Variants in LMNTD1 observed in about 807,000 individuals in gnomAD.
The protein encoded by LMNTD1 is lamin tail domain containing 1.
In LMNTD1, 35 loss-of-function variants were observed where a neutral mutation model predicts 50.9. That is an observed-to-expected ratio of 0.69 (90% CI 0.53 to 0.91). The LOEUF is 0.91. Ranked by LOEUF, LMNTD1 falls within the 40% of genes least tolerant of loss-of-function variation. The pLI, the probability that LMNTD1 is intolerant of heterozygous loss-of-function variation, is 0.00. For missense variants in LMNTD1, 470 were observed against 475.5 expected, an observed-to-expected ratio of 0.99 and a Z score of 0.11; for synonymous variants, 153 against 161.9, an observed-to-expected ratio of 0.94 and a Z score of 0.42.
chr12:25,560,627 C>T (rs1005515571), intron 1 of LMNTD1, among the ~76,000 whole-genome samples: 4 of 152,120 alleles, frequency 2.6e-5, no homozygotes, highest in African/African-American at 9.7e-5. Flanking sequence ...CTATAAATTA[C>T]CTTGGGGGAT....
chr12:25,519,586 T>TAAAAAAAAGAAAAAAAA (rs781742784), intron 7 of LMNTD1, among the ~76,000 whole-genome samples: 1 of 74,956 alleles, frequency 1.3e-5, no homozygotes, highest in Non-Finnish European at 2.3e-5. Context: ...AGACTCTGTC[T>TAAAAAAAAGAAAAAAAA]CAAAAAAAAA....
upstream of LMNTD1, among the ~76,000 whole-genome samples, chr12:25,555,669 G>A (rs941505423): frequency 1.3e-5 from 2 of 152,142 alleles, no homozygotes; most frequent in African/African-American, 2.4e-5. Flanking sequence ...GACGTCCTCT[G>A]TTTCTAATGA....
At chr12:25,589,345 G>C (rs1258646464) in intron 1 of LMNTD1, among the ~76,000 whole-genome samples, 1 of 152,054 alleles carries the variant, frequency 6.6e-6, no homozygotes, top group Non-Finnish European at 1.5e-5. Context: ...CAAAATTATA[G>C]GCACACACAT....
At chr12:25,537,033 G>A (rs1705421) in intron 4 of LMNTD1, among the ~76,000 whole-genome samples, 95,671 of 149,320 alleles carry the variant, frequency 0.64, 30,931 homozygotes, top group Non-Finnish European at 0.71. Context: ...CTTAAAAAAC[G>A]GCGAACCACG....
chr12:25,595,860 GA>G (rs1945833641), intron 1 of LMNTD1, among the ~76,000 whole-genome samples: 1 of 151,994 alleles, frequency 6.6e-6, no homozygotes, highest in Non-Finnish European at 1.5e-5. Flanking sequence ...ACCAAGAAAA[GA>G]AGAGAGAAAA....
intron 1 of LMNTD1, among the ~76,000 whole-genome samples, chr12:25,570,757 A>G (rs923042868): frequency 6.6e-6 from 1 of 152,208 alleles, no homozygotes; most frequent in African/African-American, 2.4e-5. Context: ...GAATTATAGG[A>G]TACTAAAAGA....
intron 1 of LMNTD1, among the ~76,000 whole-genome samples, chr12:25,624,449 T>C (rs1250570000): frequency 6.6e-6 from 1 of 152,210 alleles, no homozygotes; most frequent in Non-Finnish European, 1.5e-5. Flanking sequence ...ATTAAACCAA[T>C]GACCTTGGCT....
At chr12:25,566,092 T>C (rs902848825) in intron 1 of LMNTD1, among the ~76,000 whole-genome samples, 2 of 152,170 alleles carry the variant, frequency 1.3e-5, no homozygotes, top group African/African-American at 2.4e-5. Context: ...TTAAATCTGC[T>C]TGGTGTTCTA....
chr12:25,628,107 C>A (rs1946634034), intron 1 of LMNTD1, among the ~76,000 whole-genome samples: 4 of 52,466 alleles, frequency 7.6e-5, no homozygotes, highest in African/African-American at 3.4e-4. Context: ...AACTCCGTCT[C>A]AAAAAAAAAA....
chr12:25,485,247 G>A (rs1938584228), intron 9 of LMNTD1, among the ~76,000 whole-genome samples: 1 of 147,140 alleles, frequency 6.8e-6, no homozygotes, highest in South Asian at 2.3e-4. Context: ...GCATTTCTCT[G>A]ATGGCCAGTG....
chr12:25,523,816 TAA>T (rs745735879), intron 6 of LMNTD1, among the ~76,000 whole-genome samples: 2,128 of 80,464 alleles, frequency 0.026, 48 homozygotes, highest in African/African-American at 0.081. Flanking sequence ...GTGACTCAGG[TAA>T]AAAAAAAAAA....
At chr12:25,645,420 T>G (rs1325525352) in intron 1 of LMNTD1, among the ~76,000 whole-genome samples, 3 of 152,154 alleles carry the variant, frequency 2.0e-5, no homozygotes, top group Non-Finnish European at 2.9e-5. Flanking sequence ...GAGGTGGTTG[T>G]GACCATTAGA....
intron 2 of LMNTD1, among the ~76,000 whole-genome samples, chr12:25,551,371 G>A (rs981941443): frequency 6.6e-6 from 1 of 151,768 alleles, no homozygotes; most frequent in African/African-American, 2.4e-5. Flanking sequence ...TTTGGTAGGT[G>A]AATAAGAAAT....
intron 8 of LMNTD1, among the ~76,000 whole-genome samples, chr12:25,514,617 T>C (rs958539104): frequency 6.6e-6 from 1 of 151,896 alleles, no homozygotes; most frequent in African/African-American, 2.4e-5. Context: ...ATAGGGTGAC[T>C]ACAGTCAATA....
chr12:25,541,830 A>G (rs1308660142), intron 4 of LMNTD1, among the ~76,000 whole-genome samples: 8 of 140,252 alleles, frequency 5.7e-5, no homozygotes, highest in Non-Finnish European at 1.2e-4. Flanking sequence ...CATCTGACAA[A>G]GGGCTAATAT....
chr12:25,555,156 A>G (rs1406164006), upstream of LMNTD1, among the ~76,000 whole-genome samples: 1 of 151,944 alleles, frequency 6.6e-6, no homozygotes, highest in Non-Finnish European at 1.5e-5. Flanking sequence ...GTTTTAGTAT[A>G]TACCAAAGTC....
At chr12:25,587,473 G>T (rs12424684) in intron 1 of LMNTD1, among the ~76,000 whole-genome samples, 18,238 of 152,178 alleles carry the variant, frequency 0.12, 1,266 homozygotes, top group East Asian at 0.27. Flanking sequence ...AGGTGGGAGG[G>T]TGCTACACAC....
intron 1 of LMNTD1, among the ~76,000 whole-genome samples, chr12:25,620,736 C>G (rs1010025903): frequency 6.6e-6 from 1 of 152,184 alleles, no homozygotes; most frequent in Non-Finnish European, 1.5e-5. Context: ...CCGCTTCTCT[C>G]CTAAAGCCTC....
chr12:25,634,183 G>A (rs146004038), intron 1 of LMNTD1, among the ~76,000 whole-genome samples: 2 of 152,190 alleles, frequency 1.3e-5, no homozygotes, highest in East Asian at 1.9e-4. Context: ...GATTGAAATG[G>A]TAATTACAAA....
Sources: allele counts gnomAD v4.1 joint callset (sites outside exome capture counted in the v4.1 genomes callset), GRCh38; gene constraint gnomAD v4.1.1; transcripts MANE v1.5; gene names NCBI Gene and HGNC (gene_info 2026-07-23, HGNC 2026-07-21).